Variants in ZNF451 observed in about 807,000 individuals in gnomAD.
ZNF451 encodes the protein E3 SUMO-protein ligase ZNF451.
A neutral mutation model predicts 107.1 loss-of-function variants in ZNF451; 80 were observed. That is an observed-to-expected ratio of 0.75 (90% confidence interval 0.62 to 0.90). The LOEUF (loss-of-function observed/expected upper bound fraction) is 0.90, where lower values mean the gene tolerates loss of function less well. ZNF451 is among the 40% of genes least tolerant of loss of function. ZNF451 has a pLI of 0.00. For synonymous variants in ZNF451, 362 were observed against 406.5 expected (o/e 0.89, Z 1.32); for missense variants, 1,107 against 1,236.2 (o/e 0.90, Z 1.57).
chr6:57,135,085 A>G (rs1831366713), intron 7 of ZNF451, among the ~76,000 whole-genome samples: 2 of 152,168 alleles, frequency 1.3e-5, no homozygotes, highest in Non-Finnish European at 2.9e-5. Context: ...AGAGATTATC[A>G]TCAAAATCCT....
At chr6:57,134,605 C>T in intron 6 of ZNF451, 139 bp from the exon 7 acceptor site, 1 of 649,020 alleles carries the variant, frequency 1.5e-6, no homozygotes, top group South Asian at 2.6e-5. Context: ...ATATGAAGAA[C>T]ATTACTTAAT....
intron 3 of ZNF451, chr6:57,115,202 G>C (rs956993330): frequency 2.0e-5 from 3 of 152,150 alleles, no homozygotes; most frequent in African/African-American, 4.8e-5. Flanking sequence ...GGAGGTTGAG[G>C]CTTCAGTGAG....
At chr6:57,096,420 A>G (rs1018334933) in intron 2 of ZNF451, among the ~76,000 whole-genome samples, 1 of 151,686 alleles carries the variant, frequency 6.6e-6, no homozygotes, top group Non-Finnish European at 1.5e-5. Flanking sequence ...TCCTGACCTC[A>G]GGCAATTCGC....
intron 2 of ZNF451, among the ~76,000 whole-genome samples, chr6:57,092,347 G>A (rs1042655908): frequency 2.0e-5 from 3 of 152,192 alleles, no homozygotes; most frequent in Non-Finnish European, 4.4e-5. Flanking sequence ...TATGTTGAAT[G>A]TAGAGGATCA....
At chr6:57,159,118 T>C (rs1763557694) in intron 13 of ZNF451, 1 of 985,270 alleles carries the variant, frequency 1.0e-6, no homozygotes, top group Admixed American at 6.1e-5. Flanking sequence ...AATATGTTGA[T>C]AAAATTAATT....
intron 3 of ZNF451, 104 bp from the exon 4 acceptor site, chr6:57,124,630 C>T (rs1042779313): frequency 7.0e-6 from 6 of 854,400 alleles, no homozygotes; most frequent in Non-Finnish European, 9.3e-6. Context: ...GTTCTTATAA[C>T]TCAAGTAAAT....
chr6:57,166,634 C>T (rs1204331839), intron 14 of ZNF451, among the ~76,000 whole-genome samples: 3 of 152,000 alleles, frequency 2.0e-5, no homozygotes, highest in Non-Finnish European at 4.4e-5. Flanking sequence ...GTAGCAGTAC[C>T]CTCTAAAATA....
intron 5 of ZNF451, among the ~76,000 whole-genome samples, chr6:57,131,072 T>C (rs1831156511): frequency 6.6e-6 from 1 of 152,156 alleles, no homozygotes; most frequent in African/African-American, 2.4e-5. Flanking sequence ...TCTTTAATTA[T>C]AGAGAGTGAG....
chr6:57,101,747 C>G, intron 3 of ZNF451: 1 of 1,550,568 alleles, frequency 6.4e-7, no homozygotes, highest in Non-Finnish European at 8.7e-7. Context: ...ATAATGGACT[C>G]TGTAGTCAGA....
At chr6:57,155,541 C>G (rs1763379050) in intron 13 of ZNF451, among the ~76,000 whole-genome samples, 1 of 152,160 alleles carries the variant, frequency 6.6e-6, no homozygotes. Flanking sequence ...TCCCAGTTCT[C>G]AACATCTACT....
In ZNF451 at chr6:57,109,069, G is replaced by A. The variant is rs192496982; in HGVS notation, c.186+9928G>A. ...TTATGGCTTTACTGTCACCCCACTA[G>A]TATTTGATGTCTTAGCTATTAACTA... On this transcript the variant is annotated intron_variant, in intron 3 of 14. Transcript: ENST00000370706. 9.4e-5 allele frequency: 93 copies of A among 985,268 alleles called. 3 individuals are homozygous for A. In the African/African-American group the frequency reaches 1.5e-3, roughly 16 times the overall value. 61.0% of individuals were successfully genotyped at this position (985,268 alleles called of 1,614,324 possible).
At position 57,107,255 on chromosome 6, in the gene ZNF451, C is replaced by T. The variant is rs1829904697; in HGVS notation, c.186+8114C>T. The T allele has an allele frequency of 5.1e-6, 5 of 985,138 alleles. No individual in the cohort carries two copies. In the African/African-American group the frequency reaches 5.2e-5, roughly 10 times the overall value. The allele number at this position is 985,138 out of a possible 1,614,324, so 61.0% of individuals were successfully genotyped here. A position where few individuals can be genotyped will look rare whatever the true frequency, so the allele number is the denominator to read the frequency against. Reference sequence around the variant, plus strand: ...CTTTCTGAAAGGATGTCTGATCTTCCCATAATCGCTTTGATGTAGATGATA... The same window carrying T: ...CTTTCTGAAAGGATGTCTGATCTTCTCATAATCGCTTTGATGTAGATGATA... On this transcript the variant is annotated intron_variant, in intron 3 of 14. Coordinates refer to ENST00000370706, the MANE Select transcript of ZNF451 (RefSeq NM_001031623.3).
At chr6:57,152,948 A>C (rs2127982779) in intron 12 of ZNF451, among the ~76,000 whole-genome samples, 1 of 152,228 alleles carries the variant, frequency 6.6e-6, no homozygotes, top group Non-Finnish European at 1.5e-5. Context: ...ATATCTCTAA[A>C]ATTAAGAGGT....
chr6:57,153,772 C>T, intron 12 of ZNF451, 89 bp from the exon 13 acceptor site: 1 of 1,326,480 alleles, frequency 7.5e-7, no homozygotes, highest in Non-Finnish European at 1.1e-6. Flanking sequence ...ATATACCTTC[C>T]TAGGCATGTG....
intron 3 of ZNF451, among the ~76,000 whole-genome samples, chr6:57,118,778 C>T (rs939261681): frequency 3.3e-5 from 5 of 152,180 alleles, no homozygotes; most frequent in African/African-American, 7.2e-5. Flanking sequence ...CTACTACGCT[C>T]GACCACTAAT....
intron 3 of ZNF451, among the ~76,000 whole-genome samples, chr6:57,118,788 T>A (rs1830494760): frequency 6.6e-6 from 1 of 152,190 alleles, no homozygotes; most frequent in Non-Finnish European, 1.5e-5. Context: ...CGACCACTAA[T>A]TTGCTTTTAA....
Position 57,144,441 on chromosome 6 carries a change from A to G in ZNF451, c.1004+2346A>G, listed in dbSNP as rs371525507. 1.3e-4 allele frequency among the ~76,000 whole-genome samples: 19 copies of G among 151,770 alleles called. No individual in the cohort carries two copies. In the South Asian group the frequency reaches 2.5e-3, roughly 20 times the overall value. ...TTTTTTGTAGAGACGGGGTTTCACC[A>G]TGTTGGCCAGGATGGTCTTGAACTC... On this transcript the variant is annotated intron_variant, in intron 9 of 14. Coordinates refer to ENST00000370706, the MANE Select transcript of ZNF451 (RefSeq NM_001031623.3).
intron 13 of ZNF451, 53 bp downstream of exon 13, chr6:57,154,100 C>G (rs1763282783): frequency 6.3e-7 from 1 of 1,578,862 alleles, no homozygotes; most frequent in African/African-American, 1.3e-5. Context: ...GACTTCACTG[C>G]TGAGAGAAAC....
At chr6:57,160,403 A>G (rs1434398546) in intron 13 of ZNF451, among the ~76,000 whole-genome samples, 2 of 151,484 alleles carry the variant, frequency 1.3e-5, no homozygotes, top group African/African-American at 2.4e-5. Context: ...GCGTGATCTC[A>G]GCTCACTGCA....
Sources: gnomAD v4.1 joint callset for allele counts (sites outside exome capture counted in the v4.1 genomes callset) on GRCh38, gnomAD v4.1.1 for gene constraint, MANE v1.5 for transcripts, NCBI Gene and HGNC (gene_info 2026-07-23, HGNC 2026-07-21) for gene names.